The following ZNF676 variants were observed in gnomAD, a reference collection of about 807,000 sequenced individuals.
The protein encoded by ZNF676 is zinc finger protein 676.
ZNF676 carries 4 observed loss-of-function variants against 6.0 expected under a neutral mutation model. The ratio of observed to expected loss-of-function variants is 0.67; its 90% CI spans 0.33 to 1.53. The LOEUF (loss-of-function observed/expected upper bound fraction) is 1.53, where lower values mean the gene tolerates loss of function less well. Ranked by LOEUF, ZNF676 falls within the 40% of genes most tolerant of loss-of-function variation. The pLI is 0.06. For synonymous variants in ZNF676, 198 were observed against 223.1 expected (o/e 0.89, Z 1.00); for missense variants, 644 against 679.7 (o/e 0.95, Z 0.58).
At chr19:22,212,531 C>T (rs769166951) in intron 1 of ZNF676, among the ~76,000 whole-genome samples, 3 of 151,332 alleles carry the variant, frequency 2.0e-5, no homozygotes, top group Non-Finnish European at 4.4e-5. Flanking sequence ...ATGGTGAACC[C>T]CCATCTCTAC....
chr19:22,180,668 G>C lies in ZNF676; in HGVS notation c.1049C>G (p.Ser350Ter). 1.2e-6 allele frequency: 2 copies of C among 1,611,656 alleles called. No individual in the cohort carries two copies. Among genetic ancestry groups the C allele is most frequent in the Non-Finnish European group, 1.7e-6 (2 of 1,178,844 alleles). Residue 350 changes from serine (S) to a stop codon, truncating the protein, a stop_gained, in exon 3 of 3, where the codon TCA becomes TGA. Coordinates refer to ENST00000397121, the MANE Select transcript of ZNF676 (RefSeq NM_001001411.3). LOFTEE classifies it low-confidence loss of function (END_TRUNC). Reference protein sequence around the residue: ...EECGKAFNRSSILTKHKIIHT... With the variant: ...EECGKAFNRS ...AATAATCTTATGTTTAGTAAGGATT[G>C]AGGATCGATTAAAAGCTTTCCCGCA...
chr19:22,188,563 G>T (rs545368864), intron 2 of ZNF676, among the ~76,000 whole-genome samples: 5 of 152,260 alleles, frequency 3.3e-5, no homozygotes, highest in Non-Finnish European at 5.9e-5. Context: ...AAAAGAGGAA[G>T]TCAAATAGTC....
At position 22,181,225 on chromosome 19, in the gene ZNF676, A is replaced by C. The variant is rs764453399; in HGVS notation, c.492T>G (p.Thr164=). 1 of 1,613,910 alleles carries C rather than the reference A, an allele frequency of 6.2e-7. No homozygotes were observed. The change falls in exon 3 of 3, where the codon ACT becomes ACG. Residue 164 remains threonine (T), a synonymous_variant. Transcript: ENST00000397121. The part of the protein sequence containing the change: ...SHLSQHERIY[T]RENSYKCEEN... Reference sequence around the variant, plus strand: ...CTTCACATTTGTAGGAATTCTCTCTAGTATAAATTCTTTCATGTTGAGATA... The same window carrying C: ...CTTCACATTTGTAGGAATTCTCTCTCGTATAAATTCTTTCATGTTGAGATA...
chr19:22,245,507 C>T, the ZNF676 span, among the ~76,000 whole-genome samples: 2 of 2,488 alleles, frequency 8.0e-4, no homozygotes, highest in Admixed American at 0.038. Context: ...TCACAATGCC[C>T]CCCCCCCCAC....
chr19:22,241,854 T>C, the ZNF676 span, among the ~76,000 whole-genome samples: 1 of 151,888 alleles, frequency 6.6e-6, no homozygotes, highest in African/African-American at 2.4e-5. Flanking sequence ...CAGTCACAAT[T>C]CCAACTGTAA....
At chr19:22,229,254 G>A in the ZNF676 span, among the ~76,000 whole-genome samples, 3 of 152,258 alleles carry the variant, frequency 2.0e-5, no homozygotes, top group East Asian at 3.9e-4. Flanking sequence ...AATGGGGAAA[G>A]GATTCCCAAT....
intron 1 of ZNF676, among the ~76,000 whole-genome samples, chr19:22,212,870 C>T (rs1026859426): frequency 6.6e-6 from 1 of 151,956 alleles, no homozygotes; most frequent in African/African-American, 2.4e-5. Flanking sequence ...GGGTGCACGC[C>T]TGTAGTCCCA....
At position 22,179,271 on chromosome 19, in the gene ZNF676, T is replaced by C. The variant is rs1165656122; in HGVS notation, c.*679A>G. The stretch of plus-strand genomic sequence containing the variant: ...TGTTGCCAAAAGCATTGTCACATCT[T>C]TCAGGTTTGTAGAGTCTCTCATGTA... On this transcript the variant is annotated 3_prime_UTR_variant, in exon 3 of 3. Coordinates refer to ENST00000397121, the MANE Select transcript of ZNF676 (RefSeq NM_001001411.3). The C allele has an allele frequency of 1.2e-5, 2 of 160,412 alleles. No homozygotes were observed. The highest frequency in any genetic ancestry group is 6.0e-5 in the Admixed American group (1 of 16,586). 9.9% of individuals were successfully genotyped at this position (160,412 alleles called of 1,614,324 possible).
chr19:22,214,297 T>G (rs281184), intron 1 of ZNF676, among the ~76,000 whole-genome samples: 2 of 151,944 alleles, frequency 1.3e-5, no homozygotes, highest in African/African-American at 2.4e-5. Flanking sequence ...TGAGGAGGCT[T>G]TATTTCCTAA....
the ZNF676 span, among the ~76,000 whole-genome samples, chr19:22,232,469 A>G: frequency 4.6e-5 from 7 of 152,166 alleles, no homozygotes; most frequent in Non-Finnish European, 2.9e-5. Context: ...TCCAGCCTAC[A>G]GTAGCATATT....
chr19:22,197,210 T>C (rs994980873), upstream of ZNF676, among the ~76,000 whole-genome samples: 1 of 151,690 alleles, frequency 6.6e-6, no homozygotes, highest in Admixed American at 6.6e-5. Context: ...TAATCCTAGC[T>C]ACTCGGGAGG....
At chr19:22,218,389 A>G (rs2144848506), upstream of ZNF676, among the ~76,000 whole-genome samples, 1 of 152,150 alleles carries the variant, frequency 6.6e-6, no homozygotes, top group Non-Finnish European at 1.5e-5. Context: ...GCTGGAGTAC[A>G]GTGTCATGAT....
At chr19:22,249,325 A>C in the ZNF676 span, among the ~76,000 whole-genome samples, 1 of 152,132 alleles carries the variant, frequency 6.6e-6, no homozygotes, top group East Asian at 1.9e-4. Context: ...AAGTTTTGGA[A>C]GGTTTGTAAA....
the ZNF676 span, among the ~76,000 whole-genome samples, chr19:22,241,990 G>A: frequency 6.6e-6 from 1 of 151,978 alleles, no homozygotes; most frequent in African/African-American, 2.4e-5. Context: ...CTGGGCCTGT[G>A]ATGACACTCT....
intron 2 of ZNF676, among the ~76,000 whole-genome samples, chr19:22,191,821 A>C (rs2023910904): frequency 2.0e-5 from 3 of 152,266 alleles, no homozygotes; most frequent in Admixed American, 2.0e-4. Context: ...AGGGCATTCT[A>C]TCACCCTGGG....
intron 2 of ZNF676, among the ~76,000 whole-genome samples, chr19:22,185,502 A>C (rs201487398): frequency 8.7e-5 from 13 of 148,574 alleles, no homozygotes; most frequent in Admixed American, 4.7e-4. Flanking sequence ...AAAAAAAAAA[A>C]CAAAACTGAA....
chr19:22,234,626 G>C, the ZNF676 span, among the ~76,000 whole-genome samples: 46 of 152,078 alleles, frequency 3.0e-4, no homozygotes, highest in African/African-American at 1.0e-3. Flanking sequence ...GAAAATGGCA[G>C]GGCTTTGCTC....
the ZNF676 span, among the ~76,000 whole-genome samples, chr19:22,247,691 A>G: frequency 6.6e-6 from 1 of 152,180 alleles, no homozygotes; most frequent in East Asian, 1.9e-4. Context: ...AGGCTGAGGC[A>G]GGAGAATGTC....
At chr19:22,223,823 T>C in the ZNF676 span, among the ~76,000 whole-genome samples, 1 of 152,040 alleles carries the variant, frequency 6.6e-6, no homozygotes, top group East Asian at 1.9e-4. Flanking sequence ...GAGGCTTTAA[T>C]TATATTCTGC....
Sources: allele counts gnomAD v4.1 joint callset (sites outside exome capture counted in the v4.1 genomes callset), GRCh38; gene constraint gnomAD v4.1.1; transcripts MANE v1.5; gene names NCBI Gene and HGNC (gene_info 2026-07-23, HGNC 2026-07-21).